Variants in NSF observed in about 807,000 individuals in gnomAD.
NSF encodes the protein N-ethylmaleimide sensitive factor, vesicle fusing ATPase, also known as vesicle-fusing ATPase.
A neutral mutation model predicts 50.3 loss-of-function variants in NSF; 14 were observed. The ratio of observed to expected loss-of-function variants is 0.28; its 90% confidence interval spans 0.18 to 0.44. The LOEUF (loss-of-function observed/expected upper bound fraction) is 0.44. NSF is among the 20% of genes least tolerant of loss of function. The pLI, the probability that NSF is intolerant of heterozygous loss-of-function variation, is 1.00. For synonymous variants in NSF, 109 were observed against 175.7 expected (o/e 0.62, Z 3.00); for missense variants, 218 against 504.3 (o/e 0.43, Z 5.44).
At chr17:46,752,231 CT>C (rs1178772209) in intron 19 of NSF, among the ~76,000 whole-genome samples, 1 of 152,194 alleles carries the variant, frequency 6.6e-6, no homozygotes, top group African/African-American at 2.4e-5. Flanking sequence ...GATGAAACTT[CT>C]TTGGGACTTT....
intron 17 of NSF, among the ~76,000 whole-genome samples, chr17:46,739,066 T>C (rs546300774): frequency 6.7e-6 from 1 of 148,628 alleles, no homozygotes; most frequent in Admixed American, 6.7e-5. Flanking sequence ...CAAAACCCCA[T>C]CTCTACTAAA....
intron 13 of NSF, among the ~76,000 whole-genome samples, chr17:46,709,324 C>A (rs2146258074): frequency 6.6e-6 from 1 of 151,626 alleles, no homozygotes; most frequent in Admixed American, 6.6e-5. Flanking sequence ...TTTATTTATT[C>A]CAAGGGTCTG....
Position 46,713,836 on chromosome 17 carries a change from C to T in NSF, c.1628-17C>T. ...AGGTTGGCTTTTTTCCCCTGACTTGCTCATATCTTTATGCAGGCCCTCCTC... is the reference window on the plus strand; with the variant it reads ...AGGTTGGCTTTTTTCCCCTGACTTGTTCATATCTTTATGCAGGCCCTCCTC... On this transcript the variant is annotated splice_polypyrimidine_tract_variant and intron_variant, in intron 14 of 20. Transcript: ENST00000398238. 1 of 1,606,732 alleles carries T rather than the reference C, an allele frequency of 6.2e-7. No homozygotes were observed. Among genetic ancestry groups the T allele is most frequent in the Non-Finnish European group, 8.5e-7 (1 of 1,178,170 alleles).
chr17:46,609,908 C>G (rs2057992394), intron 1 of NSF, among the ~76,000 whole-genome samples: 1 of 142,892 alleles, frequency 7.0e-6, no homozygotes, highest in South Asian at 2.1e-4. Context: ...TCCCTGTAGC[C>G]TTGACCTCCT....
At chr17:46,755,630 A>G (rs1022586546) in intron 20 of NSF, 172 bp from the exon 21 acceptor site, 2 of 728,176 alleles carry the variant, frequency 2.7e-6, no homozygotes. Context: ...TTTTACATGC[A>G]TGGAGCTGTG....
At chr17:46,727,010 C>A (rs1354834779) in intron 16 of NSF, among the ~76,000 whole-genome samples, 1 of 152,106 alleles carries the variant, frequency 6.6e-6, no homozygotes, top group Admixed American at 6.6e-5. Context: ...GAGAAATCTG[C>A]AAATTCACTA....
At chr17:46,598,352 GAAAA>G in intron 1 of NSF, among the ~76,000 whole-genome samples, 1 of 136,814 alleles carries the variant, frequency 7.3e-6, no homozygotes, top group Non-Finnish European at 1.6e-5. Flanking sequence ...TACTGGAAAA[GAAAA>G]AAGAAAAGTT....
At chr17:46,750,126 G>C (rs2059167922) in intron 18 of NSF, among the ~76,000 whole-genome samples, 2 of 152,360 alleles carry the variant, frequency 1.3e-5, no homozygotes, top group South Asian at 4.1e-4. Flanking sequence ...GACGGGGCAG[G>C]TGGATCACTT....
chr17:46,631,061 TACACACACACACACACACAC>T (rs61399986), intron 4 of NSF, among the ~76,000 whole-genome samples: 2 of 122,772 alleles, frequency 1.6e-5, no homozygotes, highest in African/African-American at 3.9e-5. Flanking sequence ...TCTCTCTCTG[TACACACACACACACACACAC>T]ACACACACAC....
At chr17:46,748,589 C>T (rs2059153826) in intron 17 of NSF, among the ~76,000 whole-genome samples, 1 of 152,162 alleles carries the variant, frequency 6.6e-6, no homozygotes, top group Non-Finnish European at 1.5e-5. Context: ...AAAAGGAAGG[C>T]TGGGATACAG....
At chr17:46,736,073 T>C (rs1396193707) in intron 17 of NSF, among the ~76,000 whole-genome samples, 1 of 152,222 alleles carries the variant, frequency 6.6e-6, no homozygotes, top group African/African-American at 2.4e-5. Flanking sequence ...GCTCCCACTT[T>C]GGAATGCCTG....
At chr17:46,613,023 T>C (rs2058026850) in intron 1 of NSF, among the ~76,000 whole-genome samples, 1 of 5,508 alleles carries the variant, frequency 1.8e-4, no homozygotes, top group African/African-American at 2.1e-4. Flanking sequence ...ACCCCAACAC[T>C]TTGGGAGACT....
chr17:46,743,976 T>C (rs1392578837), intron 17 of NSF, among the ~76,000 whole-genome samples: 1 of 152,204 alleles, frequency 6.6e-6, no homozygotes, highest in Non-Finnish European at 1.5e-5. Context: ...TTAGGCGCAT[T>C]CAGGACCTGT....
At position 46,598,112 on chromosome 17, in the gene NSF, TA is replaced by T. The variant is rs1293780309; in HGVS notation, c.12+7327del. On this transcript the variant is annotated intron_variant, in intron 1 of 20. Coordinates refer to ENST00000398238, the MANE Select transcript of NSF (RefSeq NM_006178.4). Reference sequence around the variant, plus strand: ...CTGAGCCCGGCTGTTGCGATACTCTTAATGGGTTTTATATTTCCTTTTTGTG... The same window carrying T: ...CTGAGCCCGGCTGTTGCGATACTCTTATGGGTTTTATATTTCCTTTTTGTG... 1.0e-4 allele frequency among the ~76,000 whole-genome samples: 5 copies of T among 49,092 alleles called. 1 individual carries two copies. The Middle Eastern group carries it at 0.016, about 160-fold the overall frequency. The allele number at this position is 49,092 out of a possible 152,430, so 32.2% of individuals were successfully genotyped here. A position where few individuals can be genotyped will look rare whatever the true frequency, so the allele number is the denominator to read the frequency against.
intron 15 of NSF, among the ~76,000 whole-genome samples, chr17:46,717,013 A>G (rs979536503): frequency 6.6e-6 from 1 of 152,182 alleles, no homozygotes; most frequent in Non-Finnish European, 1.5e-5. Flanking sequence ...ACAATTATAA[A>G]TAATATATAT....
intron 9 of NSF, among the ~76,000 whole-genome samples, chr17:46,687,280 G>A (rs1344428999): frequency 1.6e-5 from 2 of 124,758 alleles, no homozygotes; most frequent in East Asian, 2.4e-4. Context: ...TGCAGAAGAC[G>A]TTCAGATGTA....
chr17:46,725,408 C>T (rs4968239), intron 15 of NSF, among the ~76,000 whole-genome samples: 15,979 of 151,982 alleles, frequency 0.11, 2,096 homozygotes, highest in East Asian at 0.6. Context: ...CATAGGAAAA[C>T]GTTTTCACCA....
chr17:46,747,361 G>C (rs549434469), intron 17 of NSF, among the ~76,000 whole-genome samples: 18 of 152,188 alleles, frequency 1.2e-4, no homozygotes, highest in Admixed American at 3.3e-4. Context: ...GCTCACTCCA[G>C]CCTCAAACTC....
At chr17:46,715,482 A>G (rs2058759347) in intron 15 of NSF, among the ~76,000 whole-genome samples, 1 of 152,216 alleles carries the variant, frequency 6.6e-6, no homozygotes, top group African/African-American at 2.4e-5. Flanking sequence ...CTCCTAAATC[A>G]TCTATTCCTG....
Sources: gnomAD v4.1 joint callset for allele counts (sites outside exome capture counted in the v4.1 genomes callset) on GRCh38, gnomAD v4.1.1 for gene constraint, MANE v1.5 for transcripts, NCBI Gene and HGNC (gene_info 2026-07-23, HGNC 2026-07-21) for gene names.